SMNDC1: variants seen among roughly 807,000 people sequenced by gnomAD.
SMNDC1 encodes the protein survival of motor neuron-related-splicing factor 30.
In SMNDC1, 5 loss-of-function variants were observed where a neutral mutation model predicts 29.2. The observed-to-expected ratio is 0.17, with a 90% CI of 0.09 to 0.36. The LOEUF (loss-of-function observed/expected upper bound fraction) is 0.36, where lower values mean the gene tolerates loss of function less well. SMNDC1 is among the 10% of genes least tolerant of loss of function. The probability of loss-of-function intolerance (pLI) is 1.00; values close to 1 mark genes in which losing one functional copy is unlikely to be tolerated. For synonymous variants in SMNDC1, 80 were observed against 89.9 expected (o/e 0.89, Z 0.62); for missense variants, 142 against 268.5 (o/e 0.53, Z 3.29).
intron 4 of SMNDC1, among the ~76,000 whole-genome samples, chr10:110,296,390 A>T (rs1222192061): frequency 2.0e-5 from 3 of 152,164 alleles, no homozygotes; most frequent in Non-Finnish European, 4.4e-5. Context: ...GACATTAAAA[A>T]ATATATATAT....
At chr10:110,296,522 T>C (rs1013072551) in intron 4 of SMNDC1, among the ~76,000 whole-genome samples, 5 of 152,206 alleles carry the variant, frequency 3.3e-5, no homozygotes, top group African/African-American at 1.2e-4. Flanking sequence ...AAGACTAAGT[T>C]GTGGCAAATA....
intron 3 of SMNDC1, among the ~76,000 whole-genome samples, chr10:110,298,038 G>A (rs1356205525): frequency 1.3e-5 from 2 of 152,128 alleles, no homozygotes; most frequent in Non-Finnish European, 2.9e-5. Flanking sequence ...GCCCAGGCTG[G>A]AGTGCAGTAG....
At chr10:110,295,626 T>C (rs527633768) in intron 4 of SMNDC1, among the ~76,000 whole-genome samples, 124 of 147,406 alleles carry the variant, frequency 8.4e-4, no homozygotes, top group Non-Finnish European at 3.0e-4. Context: ...AAGGTAAATA[T>C]TTCAACTATG....
intron 5 of SMNDC1, 29 bp from the exon 6 acceptor site, chr10:110,294,316 T>C: frequency 6.5e-7 from 1 of 1,540,344 alleles, no homozygotes; most frequent in Non-Finnish European, 8.7e-7. Flanking sequence ...AAATCATTCC[T>C]GATTAGTGTT....
chr10:110,303,663 G>T, intron 1 of SMNDC1, 76 bp from the exon 2 acceptor site: 1 of 1,457,754 alleles, frequency 6.9e-7, no homozygotes, highest in Non-Finnish European at 9.1e-7. Flanking sequence ...TCCCCTGTCT[G>T]CCTGAATTAC....
intron 5 of SMNDC1, 47 bp downstream of exon 5, chr10:110,295,181 G>A: frequency 6.7e-7 from 1 of 1,491,368 alleles, no homozygotes; most frequent in Non-Finnish European, 9.0e-7. Context: ...TTATTTTAAT[G>A]ACAGTTGCAT....
chr10:110,303,673 C>T lies in SMNDC1; in HGVS notation c.1-86G>A, dbSNP rs560863179. On this transcript the variant is annotated intron_variant, in intron 1 of 5. Transcript: ENST00000369603. ...CTAACTCCCCTGTCTGCCTGAATTA[C>T]CAGTTTTTGCCTCTAACTCCTTCTA... 16 of 1,352,558 alleles carry T rather than the reference C, an allele frequency of 1.2e-5. No homozygotes were observed. The South Asian group carries it at 2.0e-4, about 17-fold the overall frequency. 83.8% of individuals were successfully genotyped at this position (1,352,558 alleles called of 1,614,324 possible). A position where few individuals can be genotyped will look rare whatever the true frequency, so the allele number is the denominator to read the frequency against.
intron 2 of SMNDC1, among the ~76,000 whole-genome samples, chr10:110,301,097 A>C (rs1857640019): frequency 6.6e-6 from 1 of 152,258 alleles, no homozygotes; most frequent in Non-Finnish European, 1.5e-5. Context: ...AATTCTATAG[A>C]GGAACACAAG....
In SMNDC1 at chr10:110,292,491, G is replaced by A. The variant is rs558398406; in HGVS notation, c.*1659C>T. The A allele has an allele frequency of 4.6e-5, 7 of 152,218 alleles. No homozygotes were observed. In the Middle Eastern group the frequency reaches 0.02, roughly 444 times the overall value. 9.4% of individuals were successfully genotyped at this position (152,218 alleles called of 1,614,324 possible). On this transcript the variant is annotated 3_prime_UTR_variant, in exon 6 of 6. Transcript: ENST00000369603. Reference sequence around the variant, plus strand: ...CACAATGACACCAAATTTCTTCCCAGTGCTTTTTAATTCAAAGGATTCTCT... The same window carrying A: ...CACAATGACACCAAATTTCTTCCCAATGCTTTTTAATTCAAAGGATTCTCT...
chr10:110,296,169 C>A (rs1857559842), intron 4 of SMNDC1, among the ~76,000 whole-genome samples: 1 of 152,142 alleles, frequency 6.6e-6, no homozygotes, highest in Non-Finnish European at 1.5e-5. Context: ...GCTAATAATT[C>A]TCACCAAAAC....
chr10:110,302,281 A>G (rs890700943), intron 2 of SMNDC1, among the ~76,000 whole-genome samples: 1 of 152,172 alleles, frequency 6.6e-6, no homozygotes, highest in African/African-American at 2.4e-5. Flanking sequence ...CTCCCAAAAC[A>G]TCTTTTTTGT....
At chr10:110,301,491 G>C (rs1857647808) in intron 2 of SMNDC1, among the ~76,000 whole-genome samples, 2 of 152,178 alleles carry the variant, frequency 1.3e-5, no homozygotes, top group African/African-American at 4.8e-5. Context: ...GACTGGTCAG[G>C]AAAAACATTC....
In SMNDC1 at chr10:110,303,384, C is replaced by A. The variant is rs1857687085; in HGVS notation, c.120+84G>T. The A allele has an allele frequency of 2.1e-5, 27 of 1,295,348 alleles. 1 individual carries two copies. The South Asian group carries it at 3.3e-4, about 16-fold the overall frequency. 80.2% of individuals were successfully genotyped at this position (1,295,348 alleles called of 1,614,324 possible). A position where few individuals can be genotyped will look rare whatever the true frequency, so the allele number is the denominator to read the frequency against. On this transcript the variant is annotated intron_variant, in intron 2 of 5. Coordinates refer to ENST00000369603, the MANE Select transcript of SMNDC1 (RefSeq NM_005871.4). ...TATATACATAGGGTGGGGTGTAACCCCTCAAAAGGCGCTTTGGGTACTTAG... is the reference window on the plus strand; with the variant it reads ...TATATACATAGGGTGGGGTGTAACCACTCAAAAGGCGCTTTGGGTACTTAG...
rs1276412248 is a variant in SMNDC1, at chr10:110,297,582, T to C, written c.410A>G (p.Asn137Ser). Residue 137 changes from asparagine to serine, a missense_variant, in exon 4 of 6, where the codon AAC (asparagine) becomes AGC (serine). Coordinates refer to ENST00000369603, the MANE Select transcript of SMNDC1 (RefSeq NM_005871.4). ...AGTCACTTACTTTGACATGGGTTTG[T>C]TGCCACTGTCCTCCTTTGCCTTCCT... Reference protein sequence around the residue: ...EGRKAKEDSGNKPMSKKEMIA... With the variant: ...EGRKAKEDSGSKPMSKKEMIA... 5 of 1,613,454 alleles carry C rather than the reference T, an allele frequency of 3.1e-6. No individual in the cohort carries two copies. Among genetic ancestry groups the C allele is most frequent in the Non-Finnish European group, 4.2e-6 (5 of 1,179,738 alleles).
chr10:110,296,037 C>T (rs1248798395), intron 4 of SMNDC1, among the ~76,000 whole-genome samples: 2 of 152,102 alleles, frequency 1.3e-5, no homozygotes, highest in Non-Finnish European at 2.9e-5. Flanking sequence ...AAGCCTTCAA[C>T]TACTTCCAAA....
chr10:110,302,777 G>A (rs956139992), intron 2 of SMNDC1, among the ~76,000 whole-genome samples: 4 of 152,208 alleles, frequency 2.6e-5, no homozygotes, highest in Non-Finnish European at 5.9e-5. Flanking sequence ...TATTTACTAT[G>A]ATGGCTCTAT....
In SMNDC1 at chr10:110,295,458, C is replaced by CA. The variant is rs562935552; in HGVS notation, c.426-78dup. The CA allele has an allele frequency of 5.9e-3, 5,837 of 988,562 alleles. 5 individuals are homozygous for CA. The highest frequency in any genetic ancestry group is 6.1e-3 in the Non-Finnish European group (4,460 of 727,380). 61.2% of individuals were successfully genotyped at this position (988,562 alleles called of 1,614,324 possible). ...GACTTCCTTGAAGACACCGGCAGTG[C>CA]AAAAAAAAAATCTAATAAACATATA... On this transcript the variant is annotated intron_variant, in intron 4 of 5. Coordinates refer to ENST00000369603, the MANE Select transcript of SMNDC1 (RefSeq NM_005871.4).
chr10:110,294,407 G>A, intron 5 of SMNDC1, 120 bp from the exon 6 acceptor site: 1 of 833,652 alleles, frequency 1.2e-6, no homozygotes, highest in Non-Finnish European at 1.8e-6. Flanking sequence ...AAAACATATT[G>A]CCTTTGTTTA....
chr10:110,296,471 ATATG>A (rs1857564188), intron 4 of SMNDC1, among the ~76,000 whole-genome samples: 1 of 152,232 alleles, frequency 6.6e-6, no homozygotes. Flanking sequence ...TCAAATATAA[ATATG>A]TAGCAACTTA....
Sources: gnomAD v4.1 joint callset for allele counts (sites outside exome capture counted in the v4.1 genomes callset) on GRCh38, gnomAD v4.1.1 for gene constraint, MANE v1.5 for transcripts, NCBI Gene and HGNC (gene_info 2026-07-23, HGNC 2026-07-21) for gene names.